Variants in MTCL3 observed in about 807,000 individuals in gnomAD.
MTCL3 encodes microtubule cross-linking factor 3.
the MTCL3 span, among the ~76,000 whole-genome samples, chr6:127,493,863 C>T: frequency 1.8e-4 from 27 of 152,066 alleles, no homozygotes; most frequent in Non-Finnish European, 2.1e-4. Flanking sequence ...TTTCCTAGTT[C>T]CTCTATTCTT....
chr6:127,491,960 C>A, the MTCL3 span, among the ~76,000 whole-genome samples: 5 of 151,744 alleles, frequency 3.3e-5, no homozygotes, highest in East Asian at 7.8e-4. Flanking sequence ...TTGCTTTGAC[C>A]TGTAAAATCT....
the MTCL3 span, chr6:127,473,267 A>T: frequency 6.6e-7 from 1 of 1,509,966 alleles, no homozygotes; most frequent in East Asian, 2.6e-5. Context: ...AATGAATGGT[A>T]AATGATGAAA....
At chr6:127,482,129 T>C in the MTCL3 span, among the ~76,000 whole-genome samples, 1 of 152,238 alleles carries the variant, frequency 6.6e-6, no homozygotes, top group Non-Finnish European at 1.5e-5. This position sits in a 1 kb window ranked among gnomAD's most constrained non-coding sequence, Gnocchi z 4.1. Flanking sequence ...GCTCTGCTTA[T>C]GGAGTAGCCA....
the MTCL3 span, among the ~76,000 whole-genome samples, chr6:127,514,103 A>G: frequency 1.3e-5 from 2 of 152,378 alleles, no homozygotes; most frequent in East Asian, 1.9e-4. Context: ...ATAGTCAATG[A>G]ATCTGCCTAC....
At chr6:127,475,430 G>A in the MTCL3 span, 2 of 1,612,862 alleles carry the variant, frequency 1.2e-6, no homozygotes, top group African/African-American at 2.7e-5. The surrounding 1 kb of genome is among the most constrained non-coding windows in gnomAD (Gnocchi z 7.3). Flanking sequence ...TCGTGCTCCC[G>A]GATGCGGCTG....
the MTCL3 span, among the ~76,000 whole-genome samples, chr6:127,504,001 G>A: frequency 1.3e-5 from 2 of 152,126 alleles, no homozygotes; most frequent in Admixed American, 1.3e-4. Context: ...TTAATAACAT[G>A]GACTTGGTCT....
At chr6:127,482,729 G>T in the MTCL3 span, among the ~76,000 whole-genome samples, 1 of 152,142 alleles carries the variant, frequency 6.6e-6, no homozygotes, top group Non-Finnish European at 1.5e-5. The surrounding 1 kb of genome is among the most constrained non-coding windows in gnomAD (Gnocchi z 4.1). Context: ...GGATGTTATG[G>T]TTGGCTTTAT....
chr6:127,511,649 T>TC, the MTCL3 span, among the ~76,000 whole-genome samples: 3 of 152,178 alleles, frequency 2.0e-5, no homozygotes, highest in African/African-American at 7.2e-5. Context: ...AGTCTCCATA[T>TC]TTTTCTACTA....
chr6:127,490,850 A>C, the MTCL3 span, among the ~76,000 whole-genome samples: 4 of 152,116 alleles, frequency 2.6e-5, no homozygotes, highest in Non-Finnish European at 4.4e-5. Flanking sequence ...AACACACACA[A>C]AAAAGAATAT....
chr6:127,494,127 C>T, the MTCL3 span, among the ~76,000 whole-genome samples: 1 of 152,154 alleles, frequency 6.6e-6, no homozygotes, highest in South Asian at 2.1e-4. Flanking sequence ...CCAGGAATTA[C>T]TTTAGAACAT....
At chr6:127,479,878 G>C in the MTCL3 span, among the ~76,000 whole-genome samples, 51 of 152,238 alleles carry the variant, frequency 3.4e-4, no homozygotes, top group Middle Eastern at 3.4e-3. Flanking sequence ...GGCTGCATTG[G>C]AAACTTGGCA....
chr6:127,500,974 G>T, the MTCL3 span, among the ~76,000 whole-genome samples: 1 of 152,138 alleles, frequency 6.6e-6, no homozygotes, highest in African/African-American at 2.4e-5. Context: ...ATCACGCCTG[G>T]CTAATTTTTT....
chr6:127,475,242 TCCACGGGCCAGCCTGG>T, the MTCL3 span: 1 of 1,525,004 alleles, frequency 6.6e-7, no homozygotes, highest in Admixed American at 2.0e-5. This position sits in a 1 kb window ranked among gnomAD's most constrained non-coding sequence, Gnocchi z 7.3. Flanking sequence ...GGGACGCGGC[TCCACGGGCCAGCCTGG>T]CCACCGCCGT....
chr6:127,500,226 A>G, the MTCL3 span, among the ~76,000 whole-genome samples: 5 of 152,244 alleles, frequency 3.3e-5, no homozygotes, highest in Non-Finnish European at 7.3e-5. Flanking sequence ...TGACCTACAA[A>G]GGAATAAAAG....
the MTCL3 span, among the ~76,000 whole-genome samples, chr6:127,485,597 G>A: frequency 6.6e-6 from 1 of 152,084 alleles, no homozygotes; most frequent in Admixed American, 6.6e-5. Context: ...GGGGTTTCAA[G>A]GGAAAGTATG....
At chr6:127,475,446 G>T in the MTCL3 span, 2 of 1,613,054 alleles carry the variant, frequency 1.2e-6, no homozygotes, top group Non-Finnish European at 1.7e-6. This position sits in a 1 kb window ranked among gnomAD's most constrained non-coding sequence, Gnocchi z 7.3. Flanking sequence ...GGCTGCCGTC[G>T]TCCTCCTCGT....
At chr6:127,491,355 A>C in the MTCL3 span, among the ~76,000 whole-genome samples, 3 of 152,240 alleles carry the variant, frequency 2.0e-5, no homozygotes, top group African/African-American at 7.2e-5. Flanking sequence ...TAGCCACTCC[A>C]ACTTTTGGCA....
the MTCL3 span, among the ~76,000 whole-genome samples, chr6:127,495,552 T>A: frequency 2.0e-5 from 3 of 152,216 alleles, no homozygotes; most frequent in African/African-American, 7.2e-5. Context: ...TAGAATCTTG[T>A]AAGAAATATG....
chr6:127,493,212 A>C, the MTCL3 span, among the ~76,000 whole-genome samples: 1 of 152,220 alleles, frequency 6.6e-6, no homozygotes, highest in Non-Finnish European at 1.5e-5. Context: ...TACTTATGTA[A>C]ATTTACAGAG....
Sources: allele counts gnomAD v4.1 joint callset (sites outside exome capture counted in the v4.1 genomes callset), GRCh38; gene constraint gnomAD v4.1.1; non-coding constraint Gnocchi (gnomAD v3.1); transcripts MANE v1.5; gene names NCBI Gene and HGNC (gene_info 2026-07-23, HGNC 2026-07-21).